The following CHN2 variants were observed in gnomAD, a reference collection of about 807,000 sequenced individuals.
The protein encoded by CHN2 is chimerin 2.
In CHN2, 35 loss-of-function variants were observed where a neutral mutation model predicts 56.3. The observed-to-expected ratio is 0.62, with a 90% CI of 0.47 to 0.82. CHN2 has a LOEUF of 0.82. Ranked by LOEUF, CHN2 falls within the 40% of genes least tolerant of loss-of-function variation. CHN2 has a pLI of 0.00. For missense variants in CHN2, 491 were observed against 580.5 expected, an observed-to-expected ratio of 0.85 and a Z score of 1.58; for synonymous variants, 210 against 212.8, an observed-to-expected ratio of 0.99 and a Z score of 0.12.
At chr7:29,478,667 C>T (rs937713990) in intron 6 of CHN2, among the ~76,000 whole-genome samples, 1 of 152,194 alleles carries the variant, frequency 6.6e-6, no homozygotes, top group Non-Finnish European at 1.5e-5. Context: ...CTTTACCTCT[C>T]AGTGCCTTGC....
At chr7:29,352,350 C>CGTGTGT (rs60859228) in intron 1 of CHN2, among the ~76,000 whole-genome samples, 5,446 of 149,932 alleles carry the variant, frequency 0.036, 113 homozygotes, top group Middle Eastern at 0.066. Context: ...TGCAGTCTGT[C>CGTGTGT]GTGTGTGTGT....
intron 1 of CHN2, among the ~76,000 whole-genome samples, chr7:29,329,247 G>T (rs2128901870): frequency 6.6e-6 from 1 of 152,098 alleles, no homozygotes; most frequent in Non-Finnish European, 1.5e-5. Flanking sequence ...GCTTGATCAC[G>T]ATTTGCTATG....
intron 1 of CHN2, among the ~76,000 whole-genome samples, chr7:29,346,971 T>C (rs1797491901): frequency 6.6e-6 from 1 of 152,178 alleles, no homozygotes; most frequent in South Asian, 2.1e-4. Context: ...TCCAAACGTG[T>C]GGATTCGCGT....
chr7:29,271,423 CA>C (rs1790632062), intron 1 of CHN2, among the ~76,000 whole-genome samples: 2 of 152,270 alleles, frequency 1.3e-5, no homozygotes, highest in South Asian at 4.1e-4. Context: ...TTTTGCAATT[CA>C]AAAACGTTCC....
At chr7:29,190,548 C>T (rs901260272), upstream of CHN2, among the ~76,000 whole-genome samples, 4 of 152,190 alleles carry the variant, frequency 2.6e-5, no homozygotes, top group Admixed American at 1.3e-4. Flanking sequence ...ACCATAAGAG[C>T]TACCCTGCAA....
At chr7:29,486,008 C>T (rs1787943092) in intron 7 of CHN2, among the ~76,000 whole-genome samples, 1 of 152,116 alleles carries the variant, frequency 6.6e-6, no homozygotes, top group African/African-American at 2.4e-5. Context: ...TTCCCCACTC[C>T]CTTTCCACCC....
intron 1 of CHN2, among the ~76,000 whole-genome samples, chr7:29,325,238 C>T (rs1432560878): frequency 1.3e-5 from 2 of 152,238 alleles, no homozygotes; most frequent in African/African-American, 4.8e-5. Flanking sequence ...TCAACAGACT[C>T]TCCCAGCGGG....
At chr7:29,151,352 G>T (rs558510668) in intron 2 of CHN2, among the ~76,000 whole-genome samples, 38 of 152,166 alleles carry the variant, frequency 2.5e-4, no homozygotes, top group Admixed American at 3.9e-4. Context: ...CGATCCAGAT[G>T]GTTTAGCGCC....
intron 1 of CHN2, among the ~76,000 whole-genome samples, chr7:29,310,222 TTA>T (rs1402318006): frequency 6.6e-6 from 1 of 152,160 alleles, no homozygotes; most frequent in African/African-American, 2.4e-5. Flanking sequence ...TGGAAACAAC[TTA>T]TACATTCACA....
In CHN2 at chr7:29,410,671, C is replaced by CT. The variant is rs140163391; in HGVS notation, c.576+9850dup. Among the ~76,000 whole-genome samples the CT allele has an allele frequency of 8.6e-4, 130 of 151,514 alleles. 2 individuals are homozygous for CT. The East Asian group carries it at 0.017, about 20-fold the overall frequency. On this transcript the variant is annotated intron_variant, in intron 6 of 12. Coordinates refer to ENST00000222792, the MANE Select transcript of CHN2 (RefSeq NM_004067.4). ...TGTTTTTCTAATTAGGGGAGTTTGT[C>CT]TTTTTTTGTATTTTTGTTTTTGAAG... is the stretch of plus-strand genomic sequence containing the variant.
chr7:29,512,693 G>A lies in CHN2; in HGVS notation c.1365G>A (p.Leu455=). The change falls in exon 13 of 13, where the codon CTG becomes CTA. Residue 455 remains leucine, a synonymous_variant. Transcript: ENST00000222792. ...TGCATGATATGCGGTACCAAAAGCT[G>A]ATTGTGCAGATTTTAATAGAAAACG... ...TTLHDMRYQK[L]IVQILIENED... The A allele has an allele frequency of 3.7e-6, 6 of 1,614,148 alleles. No homozygotes were observed. The highest frequency in any genetic ancestry group is 5.1e-6 in the Non-Finnish European group (6 of 1,180,016).
At chr7:29,154,101 C>A (rs1264465209) in intron 2 of CHN2, among the ~76,000 whole-genome samples, 1 of 152,152 alleles carries the variant, frequency 6.6e-6, no homozygotes, top group African/African-American at 2.4e-5. Context: ...CGAGAGTCAA[C>A]TGAACTAATA....
At chr7:29,247,680 C>T (rs752717666) in intron 1 of CHN2, among the ~76,000 whole-genome samples, 9 of 152,358 alleles carry the variant, frequency 5.9e-5, no homozygotes, top group East Asian at 1.9e-4. Flanking sequence ...TGGTGCCTCA[C>T]GAACCCTGCC....
intron 1 of CHN2, among the ~76,000 whole-genome samples, chr7:29,325,440 G>C (rs2128897995): frequency 6.6e-6 from 1 of 152,324 alleles, no homozygotes; most frequent in Admixed American, 6.5e-5. Flanking sequence ...AGCTGGAAAA[G>C]GAATTGAGCG....
chr7:29,433,004 A>G (rs1782959358), intron 6 of CHN2, among the ~76,000 whole-genome samples: 1 of 152,224 alleles, frequency 6.6e-6, no homozygotes, highest in Admixed American at 6.5e-5. Flanking sequence ...ATGGTTACCA[A>G]AAAGAATTCT....
chr7:29,191,913 T>C (rs1330876573), upstream of CHN2: 1 of 152,248 alleles, frequency 6.6e-6, no homozygotes, highest in South Asian at 2.1e-4. Flanking sequence ...GATAACTTAC[T>C]GATACTAAAC....
intron 3 of CHN2, chr7:29,380,633 A>G (rs891347418): frequency 2.6e-5 from 4 of 152,236 alleles, no homozygotes; most frequent in African/African-American, 9.6e-5. Context: ...TACGTATAGT[A>G]CCACTTAACC....
chr7:29,242,044 A>G (rs1484370134), intron 1 of CHN2, among the ~76,000 whole-genome samples: 1 of 152,182 alleles, frequency 6.6e-6, no homozygotes, highest in Non-Finnish European at 1.5e-5. Flanking sequence ...GCATTGTCCC[A>G]AGGGCTCTAT....
chr7:29,475,808 A>T (rs762887024), intron 6 of CHN2, among the ~76,000 whole-genome samples: 12 of 152,262 alleles, frequency 7.9e-5, no homozygotes, highest in Non-Finnish European at 1.5e-4. Flanking sequence ...GATTCCCTTT[A>T]TACAAAATAT....
Sources: allele counts gnomAD v4.1 joint callset (sites outside exome capture counted in the v4.1 genomes callset), GRCh38; gene constraint gnomAD v4.1.1; transcripts MANE v1.5; gene names NCBI Gene and HGNC (gene_info 2026-07-23, HGNC 2026-07-21).